Variants in AK8 observed in about 807,000 individuals in gnomAD.
The protein encoded by AK8 is adenylate kinase 8, also known as ATP-AMP transphosphorylase 8.
AK8 carries 44 observed loss-of-function variants against 54.6 expected under a neutral mutation model. The ratio of observed to expected loss-of-function variants is 0.81; its 90% CI spans 0.63 to 1.04. The LOEUF (loss-of-function observed/expected upper bound fraction) is 1.04. Ranked by LOEUF, AK8 falls within the 50% of genes least tolerant of loss-of-function variation. The pLI, the probability that AK8 is intolerant of heterozygous loss-of-function variation, is 0.00. For missense variants in AK8, 555 were observed against 613.6 expected (o/e 0.90, Z 1.01); for synonymous variants, 239 against 245.6 (o/e 0.97, Z 0.25).
chr9:132,771,070 G>C (rs117438256), intron 11 of AK8, among the ~76,000 whole-genome samples: 4,748 of 152,294 alleles, frequency 0.031, 125 homozygotes, highest in Non-Finnish European at 0.051. Flanking sequence ...CAGCGGCTCA[G>C]AGCACAGGAG....
In AK8 at chr9:132,792,676, T is replaced by G; in HGVS notation, c.1079A>C (p.Asp360Ala). Residue 360 changes from aspartate (D) to alanine (A), a missense_variant, in exon 11 of 13, where the codon GAC (aspartate) becomes GCC (alanine). Transcript: ENST00000298545. ...WVLHGVPRDL[D>A]QAHLLNRLGY... ...CAGGCGGTTCAGCAGGTGTGCCTGG[T>G]CGAGGTCCCGCGGGACGCCGTGTAG... 1 of 1,555,578 alleles carries G rather than the reference T, an allele frequency of 6.4e-7. No homozygotes were observed. Among genetic ancestry groups the G allele is most frequent in the Non-Finnish European group, 8.7e-7 (1 of 1,150,016 alleles).
chr9:132,772,393 G>C (rs1839023005), intron 11 of AK8, among the ~76,000 whole-genome samples: 1 of 152,166 alleles, frequency 6.6e-6, no homozygotes. Flanking sequence ...AGTTAAAAGG[G>C]CCCTAAAAGG....
At chr9:132,727,362 C>T (rs1284258129) in intron 12 of AK8, 92 bp downstream of exon 12, 10 of 1,182,878 alleles carry the variant, frequency 8.5e-6, no homozygotes, top group South Asian at 1.2e-5. Context: ...CAGTGTTATC[C>T]CTGCAGTGTT....
intron 11 of AK8, among the ~76,000 whole-genome samples, chr9:132,782,969 G>A (rs901470962): frequency 7.2e-5 from 11 of 152,128 alleles, no homozygotes; most frequent in African/African-American, 2.7e-4. Flanking sequence ...TCTAACTTTG[G>A]GAAAGGCAGA....
At chr9:132,793,666 T>C (rs760978978) in intron 10 of AK8, among the ~76,000 whole-genome samples, 5 of 152,238 alleles carry the variant, frequency 3.3e-5, no homozygotes, top group South Asian at 2.1e-4. Context: ...CTTGTTTACA[T>C]TGCGGCAATT....
intron 11 of AK8, among the ~76,000 whole-genome samples, chr9:132,758,562 G>C (rs1838299961): frequency 6.6e-6 from 1 of 151,960 alleles, no homozygotes; most frequent in South Asian, 2.1e-4. Flanking sequence ...TGATTCTCTT[G>C]CCTCAGCTTC....
intron 4 of AK8, among the ~76,000 whole-genome samples, chr9:132,857,777 C>A (rs113423930): frequency 6.6e-6 from 1 of 152,214 alleles, no homozygotes; most frequent in Non-Finnish European, 1.5e-5. Flanking sequence ...GGCACAGCAC[C>A]CCCTGCAGCC....
chr9:132,741,333 C>T (rs899561578), intron 11 of AK8, among the ~76,000 whole-genome samples: 2 of 152,242 alleles, frequency 1.3e-5, no homozygotes, highest in South Asian at 2.1e-4. Flanking sequence ...TGGAAACCCA[C>T]CATCTTCACT....
chr9:132,738,841 A>G lies in AK8; in HGVS notation c.1122-11307T>C, dbSNP rs574856932. 1.2e-4 allele frequency among the ~76,000 whole-genome samples: 17 copies of G among 144,624 alleles called. No homozygotes were observed. In the East Asian group the frequency reaches 3.5e-3, roughly 29 times the overall value. 94.9% of individuals were successfully genotyped at this position (144,624 alleles called of 152,430 possible). A position where few individuals can be genotyped will look rare whatever the true frequency, so the allele number is the denominator to read the frequency against. ...GCCATCATGACTGGCTGCAGCCTCT[A>G]TCTCCCGGGCTCAAGTGATCCTTCC... On this transcript the variant is annotated intron_variant, in intron 11 of 12. Coordinates refer to ENST00000298545, the MANE Select transcript of AK8 (RefSeq NM_152572.3).
intron 9 of AK8, among the ~76,000 whole-genome samples, chr9:132,815,576 GA>G (rs1285624273): frequency 6.6e-6 from 1 of 151,892 alleles, no homozygotes; most frequent in Non-Finnish European, 1.5e-5. Flanking sequence ...AAAAGAAAAA[GA>G]AAAAAAGGTA....
intron 4 of AK8, among the ~76,000 whole-genome samples, chr9:132,858,359 G>A (rs759060435): frequency 5.3e-5 from 8 of 152,342 alleles, no homozygotes; most frequent in South Asian, 2.1e-4. Context: ...CCCCTGGGGC[G>A]TCACTTGACT....
chr9:132,828,171 C>T (rs1189828334), intron 6 of AK8, 87 bp from the exon 7 acceptor site: 18 of 1,244,514 alleles, frequency 1.4e-5, no homozygotes, highest in East Asian at 2.6e-5. Flanking sequence ...ACTTGCTTTA[C>T]GTTTTTTGCT....
At chr9:132,853,154 C>T (rs1264050076) in intron 5 of AK8, among the ~76,000 whole-genome samples, 1 of 151,110 alleles carries the variant, frequency 6.6e-6, no homozygotes, top group East Asian at 2.0e-4. Context: ...GTCAGGAGTT[C>T]AAGATCAGCC....
intron 11 of AK8, among the ~76,000 whole-genome samples, chr9:132,771,141 G>T (rs1838961469): frequency 6.6e-6 from 1 of 152,182 alleles, no homozygotes; most frequent in Admixed American, 6.5e-5. Context: ...GTGTGATGAG[G>T]GCAAGACACT....
chr9:132,786,484 A>AG, intron 11 of AK8, among the ~76,000 whole-genome samples: 1 of 152,182 alleles, frequency 6.6e-6, no homozygotes, highest in Middle Eastern at 3.4e-3. Context: ...ACCCCCAGAG[A>AG]GGGGGTCCTG....
rs776180812 is a variant in AK8 at position 132,810,789 on chromosome 9, C to T, written c.979+3849G>A. Among the ~76,000 whole-genome samples the T allele has an allele frequency of 2.8e-4, 43 of 152,014 alleles. 1 individual carries two copies. The highest frequency in any genetic ancestry group is 1.2e-3 in the Admixed American group (19 of 15,264). On this transcript the variant is annotated intron_variant, in intron 10 of 12. Coordinates refer to ENST00000298545, the MANE Select transcript of AK8 (RefSeq NM_152572.3). ...ACGATGCCTGAGAACTAAAGGGCCG[C>T]GATGAGCCACTGTTCTCTTTCCAAG... is the stretch of plus-strand genomic sequence containing the variant.
chr9:132,738,961 C>A (rs1294600390), intron 11 of AK8, among the ~76,000 whole-genome samples: 2 of 151,536 alleles, frequency 1.3e-5, no homozygotes, highest in Non-Finnish European at 2.9e-5. Context: ...TCTTATGTTG[C>A]CCAGGCTGGT....
chr9:132,786,442 C>G (rs1839710280), intron 11 of AK8, among the ~76,000 whole-genome samples: 1 of 152,164 alleles, frequency 6.6e-6, no homozygotes, highest in Non-Finnish European at 1.5e-5. Context: ...GACCCCTCCC[C>G]TGCCCTTCCC....
intron 2 of AK8, 134 bp downstream of exon 2, chr9:132,874,981 G>C (rs1844024946): frequency 1.8e-6 from 2 of 1,136,794 alleles, no homozygotes; most frequent in South Asian, 3.0e-5. Flanking sequence ...ACAGAATGGT[G>C]CTCAGCTATT....
Sources: gnomAD v4.1 joint callset for allele counts (sites outside exome capture counted in the v4.1 genomes callset) on GRCh38, gnomAD v4.1.1 for gene constraint, MANE v1.5 for transcripts, NCBI Gene and HGNC (gene_info 2026-07-23, HGNC 2026-07-21) for gene names.